The following PRSS48 variants were observed in gnomAD, a reference collection of about 807,000 sequenced individuals.
PRSS48 encodes epidermis-specific serine protease-like protein.
A neutral mutation model predicts 25.6 loss-of-function variants in PRSS48; 21 were observed. The observed-to-expected ratio is 0.82, with a 90% CI of 0.58 to 1.18. The LOEUF is 1.18. Among genes scored for constraint, PRSS48 ranks in the 50% most tolerant of loss-of-function variants. The probability of loss-of-function intolerance (pLI) is 0.00; values close to 1 mark genes in which losing one functional copy is unlikely to be tolerated. For synonymous variants in PRSS48, 150 were observed against 149.3 expected (o/e 1.00, Z -0.04); for missense variants, 373 against 399.3 (o/e 0.93, Z 0.56).
chr4:151,291,018 G>A, intron 4 of PRSS48, 100 bp from the exon 5 acceptor site: 4 of 828,922 alleles, frequency 4.8e-6, no homozygotes, highest in Admixed American at 2.7e-5. Context: ...CAGCTCCATG[G>A]GTCTCATGGC....
At chr4:151,285,469 T>C (rs964841562) in intron 4 of PRSS48, among the ~76,000 whole-genome samples, 4 of 152,090 alleles carry the variant, frequency 2.6e-5, no homozygotes, top group African/African-American at 9.7e-5. Flanking sequence ...AATTCACAAA[T>C]ATGTGGAAAG....
intron 4 of PRSS48, among the ~76,000 whole-genome samples, 164 bp downstream of exon 4, chr4:151,283,450 C>A (rs1580402023): frequency 6.7e-6 from 1 of 149,164 alleles, no homozygotes; most frequent in African/African-American, 2.5e-5. Flanking sequence ...TCTGTGAAAT[C>A]AGTTTCTTCA....
intron 4 of PRSS48, among the ~76,000 whole-genome samples, chr4:151,285,589 G>A (rs910636213): frequency 6.6e-6 from 1 of 152,166 alleles, no homozygotes; most frequent in African/African-American, 2.4e-5. Flanking sequence ...ATTTATATCT[G>A]TAAATGCCTA....
intron 2 of PRSS48, among the ~76,000 whole-genome samples, chr4:151,281,701 T>A (rs1239794432): frequency 1.3e-5 from 2 of 152,192 alleles, no homozygotes; most frequent in African/African-American, 4.8e-5. Flanking sequence ...ATTTATTTTG[T>A]ACATCTTATC....
At chr4:151,288,713 T>G (rs1377503921) in intron 4 of PRSS48, among the ~76,000 whole-genome samples, 1 of 152,108 alleles carries the variant, frequency 6.6e-6, no homozygotes, top group Non-Finnish European at 1.5e-5. Flanking sequence ...TGTATTTCCA[T>G]GCAGTTGCAA....
At chr4:151,284,128 A>C (rs1359330208) in intron 4 of PRSS48, among the ~76,000 whole-genome samples, 1 of 152,148 alleles carries the variant, frequency 6.6e-6, no homozygotes, top group Non-Finnish European at 1.5e-5. Context: ...TTTCACCAAC[A>C]CTTGGAAATT....
chr4:151,291,266 C>T (rs778689812), exon 5 of PRSS48: 1 of 1,613,994 alleles, frequency 6.2e-7, no homozygotes, highest in Non-Finnish European at 8.5e-7. Context: ...GCCACTATTT[C>T]AAGAGCCAAC....
At position 151,279,876 on chromosome 4, in the gene PRSS48, C is replaced by G. The variant is rs1245063607; in HGVS notation, c.133C>G (p.Leu45Val). ...AGGGCGCTGGCCTTGGCAGGTCAGC[C>G]TACACTTTGACCACAACTTTATCTG... is the stretch of plus-strand genomic sequence containing the variant. Residue 45 changes from leucine to valine, a missense_variant, in exon 2 of 5, where the codon CTA becomes GTA. Physicochemically the swap from Leu to Val is conservative, Grantham distance 32 (BLOSUM62 1). Transcript: ENST00000455694. The G allele has an allele frequency of 2.9e-6, 4 of 1,398,146 alleles. No individual in the cohort carries two copies. Among genetic ancestry groups the G allele is most frequent in the Non-Finnish European group, 4.1e-6 (4 of 987,578 alleles). 86.6% of individuals were successfully genotyped at this position (1,398,146 alleles called of 1,614,324 possible).
intron 4 of PRSS48, among the ~76,000 whole-genome samples, chr4:151,285,060 A>C (rs944372727): frequency 6.6e-6 from 1 of 152,194 alleles, no homozygotes; most frequent in Non-Finnish European, 1.5e-5. Flanking sequence ...ACTATGCATG[A>C]TAATGACTGG....
At chr4:151,291,089 A>C in intron 4 of PRSS48, 29 bp from the exon 5 acceptor site, 1 of 1,531,826 alleles carries the variant, frequency 6.5e-7, no homozygotes, top group African/African-American at 1.4e-5. Context: ...TCTTTTCACT[A>C]TGCTCATTAC....
At chr4:151,286,982 AAATAAT>A (rs113584974) in intron 4 of PRSS48, among the ~76,000 whole-genome samples, 60 of 141,838 alleles carry the variant, frequency 4.2e-4, no homozygotes, top group African/African-American at 1.3e-3. Flanking sequence ...TCTGTCTCAA[AAATAAT>A]AATAATAATA....
At chr4:151,282,372 T>G (rs747329399) in exon 3 of PRSS48, 42 of 1,613,730 alleles carry the variant, frequency 2.6e-5, no homozygotes, top group Non-Finnish European at 3.1e-5. Flanking sequence ...ATTCCACCCT[T>G]TTGTTGGGTG....
chr4:151,281,244 A>G (rs113289042), intron 2 of PRSS48, among the ~76,000 whole-genome samples: 41 of 152,340 alleles, frequency 2.7e-4, no homozygotes, highest in Middle Eastern at 3.4e-3. Context: ...AGCCTGGGGA[A>G]TGAGACTGGT....
At chr4:151,283,135 C>G in exon 4 of PRSS48, 1 of 1,613,714 alleles carries the variant, frequency 6.2e-7, no homozygotes, top group Non-Finnish European at 8.5e-7. Context: ...TACCATTCTG[C>G]CCTTCAGGAA....
intron 4 of PRSS48, among the ~76,000 whole-genome samples, chr4:151,288,080 C>A (rs997046987): frequency 6.6e-6 from 1 of 151,214 alleles, no homozygotes. Context: ...CAACGCTTCA[C>A]GTTAAAAAAA....
intron 3 of PRSS48, 22 bp from the exon 4 acceptor site, chr4:151,283,092 CTTT>C: frequency 6.2e-7 from 1 of 1,610,934 alleles, no homozygotes; most frequent in Non-Finnish European, 8.5e-7. Flanking sequence ...TTGCTTTAAT[CTTT>C]TGTTCCTGTC....
chr4:151,289,452 G>T (rs530635590), intron 4 of PRSS48, among the ~76,000 whole-genome samples: 2 of 152,202 alleles, frequency 1.3e-5, no homozygotes, highest in South Asian at 4.2e-4. Context: ...CCTATGAAAC[G>T]GAAGAAAATA....
intron 4 of PRSS48, among the ~76,000 whole-genome samples, chr4:151,286,833 A>G (rs1416097263): frequency 2.0e-5 from 3 of 151,762 alleles, no homozygotes; most frequent in Non-Finnish European, 4.4e-5. Flanking sequence ...TACAAAAATT[A>G]GCCAGGCATG....
chr4:151,277,390 C>T (rs1048868171), intron 1 of PRSS48, among the ~76,000 whole-genome samples, 166 bp downstream of exon 1: 2 of 152,028 alleles, frequency 1.3e-5, no homozygotes, highest in East Asian at 1.9e-4. Flanking sequence ...CCAATGCTCC[C>T]GATTGGAAAT....
Sources: allele counts gnomAD v4.1 joint callset (sites outside exome capture counted in the v4.1 genomes callset), GRCh38; gene constraint gnomAD v4.1.1; transcripts MANE v1.5; gene names NCBI Gene and HGNC (gene_info 2026-07-23, HGNC 2026-07-21).